MSRA: variants seen among roughly 807,000 people sequenced by gnomAD.
The protein encoded by MSRA is mitochondrial peptide methionine sulfoxide reductase.
Under a neutral mutation model 31.3 loss-of-function variants are expected in MSRA, and 54 were observed. The observed-to-expected ratio is 1.73, with a 90% CI of 1.39 to 2.17. The LOEUF (loss-of-function observed/expected upper bound fraction) is 2.17. MSRA is among the 30% of genes most tolerant of loss of function. MSRA has a pLI of 0.00. For synonymous variants in MSRA, 169 were observed against 116.5 expected, an observed-to-expected ratio of 1.45 and a Z score of -2.90; for missense variants, 507 against 300.9, an observed-to-expected ratio of 1.69 and a Z score of -5.07.
At chr8:10,351,697 C>G (rs889446215) in intron 5 of MSRA, among the ~76,000 whole-genome samples, 5 of 152,194 alleles carry the variant, frequency 3.3e-5, no homozygotes, top group African/African-American at 1.2e-4. Context: ...TGTAAGAAGA[C>G]TTGTGGTGTG....
At chr8:10,372,099 G>C (rs1040655545) in intron 5 of MSRA, among the ~76,000 whole-genome samples, 2 of 152,206 alleles carry the variant, frequency 1.3e-5, no homozygotes, top group Non-Finnish European at 2.9e-5. Flanking sequence ...TGGGATGATA[G>C]AGCAGTGTTG....
chr8:10,118,507 C>T (rs999735154), intron 1 of MSRA, among the ~76,000 whole-genome samples: 2 of 152,064 alleles, frequency 1.3e-5, no homozygotes, highest in African/African-American at 4.8e-5. Flanking sequence ...GTCAGGGGCT[C>T]TCTATTTCCC....
intron 1 of MSRA, among the ~76,000 whole-genome samples, chr8:10,156,460 AG>A (rs1425506290): frequency 6.6e-6 from 1 of 152,056 alleles, no homozygotes; most frequent in Non-Finnish European, 1.5e-5. Flanking sequence ...TATGAGAGAG[AG>A]GGGATTTGAG....
chr8:10,142,727 T>G, intron 1 of MSRA, among the ~76,000 whole-genome samples: 1 of 152,210 alleles, frequency 6.6e-6, no homozygotes, highest in Non-Finnish European at 1.5e-5. Context: ...GTAGTAGATT[T>G]TTCCCGGACT....
rs557398076 is a variant in MSRA, at chr8:10,079,976, C to T, written c.142+25318C>T. On this transcript the variant is annotated intron_variant, in intron 1 of 5. Transcript: ENST00000317173. ...GACCTGCGGTAATTTTAAGTGCTTT[C>T]TTGTGTTACGCTTAGCACTTTCTCT... Among the ~76,000 whole-genome samples, 3 of 152,300 alleles carry T rather than the reference C, an allele frequency of 2.0e-5. No homozygotes were observed. The East Asian group carries it at 5.8e-4, about 29-fold the overall frequency.
intron 1 of MSRA, among the ~76,000 whole-genome samples, chr8:10,159,245 C>T (rs1016778003): frequency 4.6e-5 from 7 of 152,320 alleles, no homozygotes; most frequent in Non-Finnish European, 7.3e-5. Context: ...TGCCTGGGCA[C>T]CTGCGTGAGG....
At chr8:10,060,873 A>G (rs12679328) in intron 1 of MSRA, among the ~76,000 whole-genome samples, 78,389 of 152,026 alleles carry the variant, frequency 0.52, 22,049 homozygotes, top group Non-Finnish European at 0.62. Context: ...AATTCCTTCC[A>G]CTATTATGTA....
intron 3 of MSRA, among the ~76,000 whole-genome samples, chr8:10,269,631 T>TTTG (rs1229659425): frequency 3.3e-5 from 5 of 151,206 alleles, no homozygotes; most frequent in Admixed American, 6.6e-5. Context: ...CTTTTGGTTT[T>TTTG]TTGTTGTTGT....
intron 1 of MSRA, among the ~76,000 whole-genome samples, chr8:10,116,320 C>G (rs1460939218): frequency 6.6e-6 from 1 of 152,192 alleles, no homozygotes. Context: ...CAAGGCAGTT[C>G]TTCTTCCAAT....
At chr8:10,143,738 G>C (rs1346517147) in intron 1 of MSRA, among the ~76,000 whole-genome samples, 2 of 152,108 alleles carry the variant, frequency 1.3e-5, no homozygotes, top group African/African-American at 4.8e-5. Context: ...CAATCACCCT[G>C]TGCCCATGGG....
At chr8:10,291,584 C>T (rs1279024603) in intron 3 of MSRA, among the ~76,000 whole-genome samples, 2 of 152,030 alleles carry the variant, frequency 1.3e-5, no homozygotes, top group East Asian at 1.9e-4. Flanking sequence ...ACCGAGCTGA[C>T]ATCTTACCTC....
intron 5 of MSRA, among the ~76,000 whole-genome samples, chr8:10,404,574 C>T (rs1326392022): frequency 6.6e-6 from 1 of 152,266 alleles, no homozygotes; most frequent in Non-Finnish European, 1.5e-5. Flanking sequence ...CCGTCAGCAG[C>T]TGCTTCTGAC....
chr8:10,098,732 G>T (rs1474780045), intron 1 of MSRA, among the ~76,000 whole-genome samples: 3 of 152,158 alleles, frequency 2.0e-5, no homozygotes, highest in African/African-American at 7.2e-5. Flanking sequence ...TATTTTGGTT[G>T]TTACATTTTA....
intron 2 of MSRA, among the ~76,000 whole-genome samples, chr8:10,223,834 A>G (rs1480394948): frequency 1.3e-5 from 2 of 152,098 alleles, no homozygotes; most frequent in Non-Finnish European, 2.9e-5. Flanking sequence ...TGGGTATAAA[A>G]CGTGAAGACC....
intron 1 of MSRA, among the ~76,000 whole-genome samples, chr8:10,207,180 G>C (rs1293787322): frequency 6.6e-6 from 1 of 152,172 alleles, no homozygotes; most frequent in East Asian, 1.9e-4. Flanking sequence ...CTGGTCACTT[G>C]TTACTTCCGA....
chr8:10,390,594 G>C (rs765125651), intron 5 of MSRA, among the ~76,000 whole-genome samples: 2 of 152,136 alleles, frequency 1.3e-5, no homozygotes, highest in Non-Finnish European at 2.9e-5. Context: ...CACATGATTT[G>C]GGGCATTTTT....
rs187772824 is a variant in MSRA, at chr8:10,258,055, G to A, written c.331+12832G>A. On this transcript the variant is annotated intron_variant, in intron 3 of 5. Coordinates refer to ENST00000317173, the MANE Select transcript of MSRA (RefSeq NM_012331.5). Reference sequence around the variant, plus strand: ...GCATAATTCTAAATTCTTTACATGTGACCACTTCTTCTATTTTCATAACAG... The same window carrying A: ...GCATAATTCTAAATTCTTTACATGTAACCACTTCTTCTATTTTCATAACAG... 1.1e-4 allele frequency among the ~76,000 whole-genome samples: 17 copies of A among 152,240 alleles called. No individual in the cohort carries two copies. In the East Asian group the frequency reaches 1.9e-3, roughly 17 times the overall value.
At chr8:10,332,498 A>T (rs889523609) in intron 5 of MSRA, among the ~76,000 whole-genome samples, 3 of 148,766 alleles carry the variant, frequency 2.0e-5, no homozygotes, top group African/African-American at 7.5e-5. Flanking sequence ...AATTCTTCTT[A>T]GTCCCTTTCT....
At chr8:10,300,926 C>G (rs535205356) in intron 3 of MSRA, among the ~76,000 whole-genome samples, 1 of 152,240 alleles carries the variant, frequency 6.6e-6, no homozygotes, top group South Asian at 2.1e-4. Context: ...AGACATATGT[C>G]ACCATCATTG....
Sources: allele counts gnomAD v4.1 joint callset (sites outside exome capture counted in the v4.1 genomes callset), GRCh38; gene constraint gnomAD v4.1.1; transcripts MANE v1.5; gene names NCBI Gene and HGNC (gene_info 2026-07-23, HGNC 2026-07-21).